Variants in SVIL observed in about 807,000 individuals in gnomAD.
SVIL encodes archvillin.
A neutral mutation model predicts 240.4 loss-of-function variants in SVIL; 101 were observed. The observed-to-expected ratio is 0.42, with a 90% confidence interval of 0.36 to 0.50. The LOEUF (loss-of-function observed/expected upper bound fraction) is 0.50, where lower values mean the gene tolerates loss of function less well. Among genes scored for constraint, SVIL ranks in the 20% least tolerant of loss-of-function variants. The pLI, the probability that SVIL is intolerant of heterozygous loss-of-function variation, is 0.01. For synonymous variants in SVIL, 999 were observed against 1,100.0 expected, an observed-to-expected ratio of 0.91 and a Z score of 1.82; for missense variants, 2,512 against 2,818.7, an observed-to-expected ratio of 0.89 and a Z score of 2.46.
intron 2 of SVIL, among the ~76,000 whole-genome samples, chr10:29,663,883 C>T (rs1001196704): frequency 6.6e-6 from 1 of 152,182 alleles, no homozygotes; most frequent in Non-Finnish European, 1.5e-5. Context: ...CAAGAAGATG[C>T]TCACAGTCAA....
intron 3 of SVIL, among the ~76,000 whole-genome samples, chr10:29,650,647 T>C (rs1396365942): frequency 6.6e-6 from 1 of 152,040 alleles, no homozygotes; most frequent in African/African-American, 2.4e-5. Flanking sequence ...AGACTTTCAC[T>C]ACAAAAAAAA....
intron 1 of SVIL, among the ~76,000 whole-genome samples, chr10:29,571,450 T>G (rs1462134771): frequency 6.6e-6 from 1 of 152,150 alleles, no homozygotes; most frequent in Non-Finnish European, 1.5e-5. Flanking sequence ...CCCTCGTGTA[T>G]TGGGAAGAAG....
chr10:29,463,016 A>G (rs1468505902), intron 35 of SVIL, among the ~76,000 whole-genome samples: 1 of 152,222 alleles, frequency 6.6e-6, no homozygotes, highest in Non-Finnish European at 1.5e-5. Flanking sequence ...TACTATGGGT[A>G]TTTCTCTTTG....
At chr10:29,578,562 C>A (rs1029985616) in intron 1 of SVIL, among the ~76,000 whole-genome samples, 2 of 152,212 alleles carry the variant, frequency 1.3e-5, no homozygotes, top group African/African-American at 4.8e-5. Flanking sequence ...CCTTGCCCTG[C>A]CTACCAACAT....
upstream of SVIL, among the ~76,000 whole-genome samples, chr10:29,636,838 C>G (rs1350438846): frequency 2.6e-5 from 4 of 152,072 alleles, no homozygotes; most frequent in East Asian, 7.7e-4. Flanking sequence ...TGGTCTTGCT[C>G]TGTTGTCCAG....
intron 1 of SVIL, among the ~76,000 whole-genome samples, chr10:29,596,426 T>C (rs935381601): frequency 5.3e-5 from 8 of 152,188 alleles, no homozygotes; most frequent in African/African-American, 1.9e-4. Flanking sequence ...TGAGCTGTGA[T>C]TGTGCTACTG....
chr10:29,559,419 A>G (rs898579165), intron 3 of SVIL, among the ~76,000 whole-genome samples: 1 of 152,164 alleles, frequency 6.6e-6, no homozygotes, highest in Non-Finnish European at 1.5e-5. Context: ...AGGCCCCTTC[A>G]TCTCTAAATT....
chr10:29,522,735 G>T, intron 15 of SVIL, 100 bp from the exon 16 acceptor site: 2 of 1,329,948 alleles, frequency 1.5e-6, no homozygotes, highest in Non-Finnish European at 2.1e-6. Flanking sequence ...CAATCCGTGG[G>T]CACACGGCGG....
At chr10:29,570,639 T>A (rs2132723677) in intron 1 of SVIL, among the ~76,000 whole-genome samples, 1 of 152,378 alleles carries the variant, frequency 6.6e-6, no homozygotes. Flanking sequence ...GTATAGCATT[T>A]GATTTAGAAA....
chr10:29,459,509 A>C (rs1406297551), intron 36 of SVIL, among the ~76,000 whole-genome samples: 1 of 152,210 alleles, frequency 6.6e-6, no homozygotes, highest in Non-Finnish European at 1.5e-5. Flanking sequence ...TTAAAAAATA[A>C]CCTGAAAAGA....
intron 1 of SVIL, among the ~76,000 whole-genome samples, chr10:29,705,997 G>T (rs1215794191): frequency 6.6e-6 from 1 of 151,958 alleles, no homozygotes; most frequent in Non-Finnish European, 1.5e-5. Context: ...ATTCCTTTGG[G>T]TATATACTGA....
chr10:29,499,158 C>G lies in SVIL; in HGVS notation c.3622G>C (p.Asp1208His). ...CCAGCCACAGTGAACTGGGTCGAGT[C>G]GTTGGCCGCTCCTCTGCCTCTCGTC... The part of the protein sequence containing the change: ...WKTRGRGAAN[D>H]STQFTVAGRM... Residue 1208 changes from aspartate to histidine, a missense_variant, in exon 18 of 38, where the codon GAC (aspartate) becomes CAC (histidine). Coordinates refer to ENST00000355867, the MANE Select transcript of SVIL (RefSeq NM_021738.3). The G allele has an allele frequency of 1.9e-6, 3 of 1,614,058 alleles. No individual in the cohort carries two copies. The highest frequency in any genetic ancestry group is 2.5e-6 in the Non-Finnish European group (3 of 1,180,024).
chr10:29,529,759 T>C lies in SVIL; in HGVS notation c.2192A>G (p.Gln731Arg). The change falls in exon 12 of 38, where the codon CAG (glutamine) becomes CGG (arginine). Residue 731 changes from glutamine to arginine, a missense_variant. Physicochemically the swap from Gln to Arg is conservative, Grantham distance 43. Transcript: ENST00000355867. Reference sequence around the variant, plus strand: ...GATGGGCTGGGTGAGGGACCTGTCCTGCAGACGGCGTAGCCTCTGCTCCAC... The same window carrying C: ...GATGGGCTGGGTGAGGGACCTGTCCCGCAGACGGCGTAGCCTCTGCTCCAC... ...TAVEQRLRRL[Q>R]DRSLTQPITT... 1 of 1,613,920 alleles carries C rather than the reference T, an allele frequency of 6.2e-7. No homozygotes were observed. Among genetic ancestry groups the C allele is most frequent in the Non-Finnish European group, 8.5e-7 (1 of 1,179,912 alleles).
intron 3 of SVIL, 55 bp downstream of exon 3, chr10:29,563,146 G>C: frequency 8.3e-6 from 5 of 605,440 alleles, no homozygotes; most frequent in Non-Finnish European, 1.0e-5. Context: ...AGGAAATTCG[G>C]ACAACACAAT....
chr10:29,532,208 C>T, intron 8 of SVIL, 36 bp from the exon 9 acceptor site: 2 of 1,596,900 alleles, frequency 1.3e-6, no homozygotes, highest in Non-Finnish European at 1.7e-6. Context: ...ATAAGGAAGG[C>T]AAACGAAGAC....
At chr10:29,493,158 T>G in intron 21 of SVIL, 56 bp downstream of exon 21, 1 of 1,561,692 alleles carries the variant, frequency 6.4e-7, no homozygotes, top group Non-Finnish European at 8.7e-7. Context: ...ATGTGCCCTC[T>G]GCAGGCGAAG....
intron 1 of SVIL, among the ~76,000 whole-genome samples, chr10:29,591,196 A>G (rs1956376572): frequency 1.3e-5 from 2 of 152,338 alleles, no homozygotes; most frequent in South Asian, 4.1e-4. Flanking sequence ...ATGTGTTTAC[A>G]TGCATGAAAT....
chr10:29,603,057 ACTT>A (rs1426999068), intron 1 of SVIL, among the ~76,000 whole-genome samples: 1 of 151,130 alleles, frequency 6.6e-6, no homozygotes, highest in Non-Finnish European at 1.5e-5. Flanking sequence ...ATAATGAAGG[ACTT>A]CTTACCATCC....
At position 29,467,895 on chromosome 10, in the gene SVIL, A is replaced by G. The variant is rs776604684; in HGVS notation, c.5844-20T>C. 3.7e-6 allele frequency: 6 copies of G among 1,613,896 alleles called. No homozygotes were observed. The Admixed American group carries it at 6.7e-5, about 18-fold the overall frequency. On this transcript the variant is annotated intron_variant, in intron 32 of 37. Coordinates refer to ENST00000355867, the MANE Select transcript of SVIL (RefSeq NM_021738.3). ...GGACATCTGCAAGGGAGAAACTCCA[A>G]GAGTTCTTTATAAGTCTGGAGAGTG... is the stretch of plus-strand genomic sequence containing the variant.
Sources: gnomAD v4.1 joint callset for allele counts (sites outside exome capture counted in the v4.1 genomes callset) on GRCh38, gnomAD v4.1.1 for gene constraint, MANE v1.5 for transcripts, NCBI Gene and HGNC (gene_info 2026-07-23, HGNC 2026-07-21) for gene names.